SGMS1: variants seen among roughly 807,000 people sequenced by gnomAD.
The protein encoded by SGMS1 is sphingomyelin synthase 1.
Under a neutral mutation model 46.2 loss-of-function variants are expected in SGMS1, and 13 were observed. The ratio of observed to expected loss-of-function variants is 0.28; its 90% confidence interval spans 0.18 to 0.45. SGMS1 has a LOEUF of 0.45. Among genes scored for constraint, SGMS1 ranks in the 20% least tolerant of loss-of-function variants. The pLI is 1.00. For synonymous variants in SGMS1, 203 were observed against 187.8 expected (o/e 1.08, Z -0.66); for missense variants, 324 against 519.9 (o/e 0.62, Z 3.66).
intron 6 of SGMS1, among the ~76,000 whole-genome samples, chr10:50,423,579 C>G (rs992925136): frequency 5.9e-5 from 9 of 151,992 alleles, no homozygotes; most frequent in Non-Finnish European, 1.5e-5. Context: ...AAATTACATT[C>G]TAAAAGTTCA....
chr10:50,576,065 T>A (rs931150807), intron 2 of SGMS1, among the ~76,000 whole-genome samples: 32 of 151,548 alleles, frequency 2.1e-4, no homozygotes, highest in African/African-American at 7.5e-4. Context: ...TTAGAGAGAG[T>A]GGAACCTACA....
chr10:50,476,097 C>CAAAAAAAA lies in SGMS1; in HGVS notation c.-497-9173_-497-9166dup, dbSNP rs58641986. ...TAAAATCTTGTCTTTACTAAAAATA[C>CAAAAAAAA]AAAAAAAAAAAAAAAAAAAAAAAAA... is the stretch of plus-strand genomic sequence containing the variant. On this transcript the variant is annotated intron_variant, in intron 3 of 10. Transcript: ENST00000361781. 3.9e-4 allele frequency among the ~76,000 whole-genome samples: 17 copies of CAAAAAAAA among 43,322 alleles called. 2 individuals carry two copies. Among genetic ancestry groups the CAAAAAAAA allele is most frequent in the East Asian group, 1.6e-3 (2 of 1,256 alleles). The allele number at this position is 43,322 out of a possible 152,430, so 28.4% of individuals were successfully genotyped here.
chr10:50,374,523 T>C (rs964049189), intron 6 of SGMS1, among the ~76,000 whole-genome samples: 1 of 142,154 alleles, frequency 7.0e-6, no homozygotes, highest in Admixed American at 7.6e-5. Flanking sequence ...CCTCTAACAC[T>C]GTGTGGTCTG....
Position 50,623,806 on chromosome 10 carries a change from C to A in SGMS1, c.-783G>T, listed in dbSNP as rs1588896447. ...CAGCGTCGGGGCTCCGCACCCCAATCGCGCTCTCCGACCGGCTCCCTAGGC... is the reference window on the plus strand; with the variant it reads ...CAGCGTCGGGGCTCCGCACCCCAATAGCGCTCTCCGACCGGCTCCCTAGGC... On this transcript the variant is annotated 5_prime_UTR_variant, in exon 1 of 11. Transcript: ENST00000361781. The A allele has an allele frequency of 3.0e-6, 3 of 985,464 alleles. No individual in the cohort carries two copies. Among genetic ancestry groups the A allele is most frequent in the Non-Finnish European group, 3.6e-6 (3 of 829,974 alleles). The allele number at this position is 985,464 out of a possible 1,614,324, so 61.0% of individuals were successfully genotyped here. A position where few individuals can be genotyped will look rare whatever the true frequency, so the allele number is the denominator to read the frequency against.
At chr10:50,393,995 A>G (rs1848810041) in intron 6 of SGMS1, among the ~76,000 whole-genome samples, 1 of 152,160 alleles carries the variant, frequency 6.6e-6, no homozygotes, top group African/African-American at 2.4e-5. Context: ...TGAGTCATAT[A>G]TCCTATCTCT....
chr10:50,548,526 G>A (rs983810779), intron 2 of SGMS1, among the ~76,000 whole-genome samples: 7 of 152,110 alleles, frequency 4.6e-5, no homozygotes, highest in African/African-American at 1.7e-4. Flanking sequence ...AACTGAAACT[G>A]GACCCCTTCC....
rs149125975 is a variant in SGMS1 at position 50,330,826 on chromosome 10, T to C, written c.624-3504A>G. Among the ~76,000 whole-genome samples, 45 of 152,312 alleles carry C rather than the reference T, an allele frequency of 3.0e-4. No homozygotes were observed. The East Asian group carries it at 8.1e-3, about 27-fold the overall frequency. Reference sequence around the variant, plus strand: ...AAGAGTAATGATTCAGGTCTCTGATTAGTGATTCCAGCTGTAAAACATGAA... The same window carrying C: ...AAGAGTAATGATTCAGGTCTCTGATCAGTGATTCCAGCTGTAAAACATGAA... On this transcript the variant is annotated intron_variant, in intron 7 of 10. Coordinates refer to ENST00000361781, the MANE Select transcript of SGMS1 (RefSeq NM_147156.4).
At chr10:50,616,841 T>C (rs1838802410) in intron 1 of SGMS1, among the ~76,000 whole-genome samples, 1 of 152,200 alleles carries the variant, frequency 6.6e-6, no homozygotes, top group South Asian at 2.1e-4. Context: ...GATGACCATG[T>C]TCACGGACAG....
chr10:50,351,566 T>C (rs1183923020), intron 6 of SGMS1, among the ~76,000 whole-genome samples: 1 of 152,196 alleles, frequency 6.6e-6, no homozygotes, highest in Non-Finnish European at 1.5e-5. Flanking sequence ...ATTTAAATCA[T>C]GGGCAGTTTC....
chr10:50,346,633 G>A (rs1032243686), intron 6 of SGMS1, among the ~76,000 whole-genome samples: 6 of 152,068 alleles, frequency 3.9e-5, no homozygotes, highest in South Asian at 2.1e-4. Context: ...TTCTCAAGCC[G>A]ACTTCATCAA....
chr10:50,328,181 T>C (rs1022200173), intron 7 of SGMS1: 8 of 277,034 alleles, frequency 2.9e-5, no homozygotes, highest in South Asian at 2.2e-4. Flanking sequence ...AAAAATTCCA[T>C]GTAAGTTTGT....
intron 7 of SGMS1, chr10:50,341,468 T>C: frequency 2.2e-6 from 1 of 455,966 alleles, no homozygotes; most frequent in Non-Finnish European, 4.4e-6. Context: ...AGAGAGGACT[T>C]AGTTGGATGC....
intron 2 of SGMS1, among the ~76,000 whole-genome samples, chr10:50,542,211 G>T (rs573091616): frequency 6.6e-6 from 1 of 152,030 alleles, no homozygotes; most frequent in Admixed American, 6.6e-5. Context: ...GACTTCTACG[G>T]CATAAAATAC....
chr10:50,507,032 C>T (rs979391034), intron 3 of SGMS1, among the ~76,000 whole-genome samples: 3 of 152,196 alleles, frequency 2.0e-5, no homozygotes, highest in African/African-American at 7.2e-5. Context: ...GGGAAACACA[C>T]AGCTGCTCTA....
upstream of SGMS1, among the ~76,000 whole-genome samples, chr10:50,624,421 G>C (rs1184987423): frequency 6.6e-6 from 1 of 152,178 alleles, no homozygotes; most frequent in Non-Finnish European, 1.5e-5. Context: ...ATCATTCCTA[G>C]GAAACGGCCG....
intron 8 of SGMS1, among the ~76,000 whole-genome samples, chr10:50,322,627 T>A (rs1439064486): frequency 2.0e-5 from 3 of 150,714 alleles, no homozygotes; most frequent in African/African-American, 4.9e-5. Flanking sequence ...GGTCAGGAGA[T>A]CGAGACCATC....
At chr10:50,623,607 C>G in intron 1 of SGMS1, 100 bp downstream of exon 1, 4 of 985,374 alleles carry the variant, frequency 4.1e-6, no homozygotes, top group Non-Finnish European at 3.6e-6. Flanking sequence ...CAGAGCAGCC[C>G]GCCCGCTGCT....
chr10:50,500,256 G>C (rs1041264226), intron 3 of SGMS1, among the ~76,000 whole-genome samples: 53 of 152,084 alleles, frequency 3.5e-4, no homozygotes, highest in African/African-American at 1.2e-3. Flanking sequence ...TTTTTATCAG[G>C]CTTCTCATTT....
rs1847198837 is a variant in SGMS1 at position 50,307,844 on chromosome 10, A to G, written c.1062+138T>C. 10 of 787,852 alleles carry G rather than the reference A, an allele frequency of 1.3e-5. No individual in the cohort carries two copies. In the East Asian group the frequency reaches 2.6e-4, roughly 21 times the overall value. The allele number at this position is 787,852 out of a possible 1,614,324, so 48.8% of individuals were successfully genotyped here. A position where few individuals can be genotyped will look rare whatever the true frequency, so the allele number is the denominator to read the frequency against. On this transcript the variant is annotated intron_variant, in intron 10 of 10. Coordinates refer to ENST00000361781, the MANE Select transcript of SGMS1 (RefSeq NM_147156.4). The surrounding 1 kb of genome is among the most constrained non-coding windows in gnomAD (Gnocchi z 4.2). ...AATTCTGAAGAGAATCAATGTCACA[A>G]AAAAACAATACAATCTTAGTTGATT...
Sources: gnomAD v4.1 joint callset for allele counts (sites outside exome capture counted in the v4.1 genomes callset) on GRCh38, gnomAD v4.1.1 for gene constraint, Gnocchi (gnomAD v3.1) non-coding constraint, MANE v1.5 for transcripts, NCBI Gene and HGNC (gene_info 2026-07-23, HGNC 2026-07-21) for gene names.